ACTR3C: variants seen among roughly 807,000 people sequenced by gnomAD.
ACTR3C encodes actin related protein 3C.
ACTR3C carries 18 observed loss-of-function variants against 26.3 expected under a neutral mutation model. The ratio of observed to expected loss-of-function variants is 0.68; its 90% CI spans 0.47 to 1.01. ACTR3C has a LOEUF of 1.01. ACTR3C is among the 50% of genes least tolerant of loss of function. The pLI is 0.00. For missense variants in ACTR3C, 184 were observed against 250.7 expected, an observed-to-expected ratio of 0.73 and a Z score of 1.80; for synonymous variants, 55 against 94.5, an observed-to-expected ratio of 0.58 and a Z score of 2.42.
intron 1 of ACTR3C, among the ~76,000 whole-genome samples, chr7:150,314,955 A>G (rs1362676889): frequency 2.0e-5 from 3 of 147,892 alleles, no homozygotes; most frequent in Non-Finnish European, 4.5e-5. Flanking sequence ...CAGTTTCAAC[A>G]TAATAATAAA....
At chr7:150,134,296 G>A in the ACTR3C span, among the ~76,000 whole-genome samples, 5 of 151,894 alleles carry the variant, frequency 3.3e-5, no homozygotes, top group Non-Finnish European at 7.4e-5. Context: ...TGGAGCAGGA[G>A]GAGAGGAAGA....
chr7:150,026,107 G>A, the ACTR3C span, among the ~76,000 whole-genome samples: 8 of 152,132 alleles, frequency 5.3e-5, no homozygotes, highest in African/African-American at 9.7e-5. Flanking sequence ...GGCAAATGAC[G>A]TAGCTTCCCT....
chr7:150,299,951 A>T (rs1215301128), intron 1 of ACTR3C, among the ~76,000 whole-genome samples: 2 of 151,342 alleles, frequency 1.3e-5, no homozygotes, highest in Non-Finnish European at 2.9e-5. Context: ...AATAGGGCAC[A>T]AATAGTATTA....
the ACTR3C span, among the ~76,000 whole-genome samples, chr7:150,203,722 C>G: frequency 5.3e-5 from 8 of 152,086 alleles, no homozygotes; most frequent in Non-Finnish European, 1.2e-4. Flanking sequence ...CCCGCCACCA[C>G]GCCTGGCTAA....
chr7:150,274,522 C>T lies in ACTR3C; in HGVS notation c.564+10231G>A, dbSNP rs575823860. ...TTCACTGGGATGGTCCGAAACTGAA[C>T]CCACAAAATCTCCAAGTTATGCCTG... On this transcript the variant is annotated intron_variant, in intron 6 of 7. Coordinates refer to ENST00000683684, the MANE Select transcript of ACTR3C (RefSeq NM_001164458.2). This position sits in a 1 kb window ranked among gnomAD's most constrained non-coding sequence, Gnocchi z 4.1. Among the ~76,000 whole-genome samples, 18 of 152,292 alleles carry T rather than the reference C, an allele frequency of 1.2e-4. No homozygotes were observed. The highest frequency in any genetic ancestry group is 4.3e-4 in the African/African-American group (18 of 41,556).
the ACTR3C span, among the ~76,000 whole-genome samples, chr7:150,232,698 C>T: frequency 6.7e-6 from 1 of 148,260 alleles, no homozygotes; most frequent in East Asian, 1.9e-4. Flanking sequence ...TGGCAGATGC[C>T]TGTAATCCCA....
chr7:150,300,437 A>ACAAT (rs1795365873), intron 1 of ACTR3C, among the ~76,000 whole-genome samples: 1 of 152,188 alleles, frequency 6.6e-6, no homozygotes, highest in Non-Finnish European at 1.5e-5. Context: ...TGGAACATGA[A>ACAAT]CAATCAGCTG....
At chr7:149,992,226 C>T in the ACTR3C span, among the ~76,000 whole-genome samples, 1 of 152,242 alleles carries the variant, frequency 6.6e-6, no homozygotes, top group African/African-American at 2.4e-5. Flanking sequence ...ACCACGTGTC[C>T]CATGTCCATG....
the ACTR3C span, among the ~76,000 whole-genome samples, chr7:150,097,125 A>C: frequency 6.6e-6 from 1 of 151,942 alleles, no homozygotes; most frequent in Non-Finnish European, 1.5e-5. Context: ...TCTTAAGCCC[A>C]CTAAGTCTTG....
chr7:150,023,032 C>T, the ACTR3C span, among the ~76,000 whole-genome samples: 44 of 151,356 alleles, frequency 2.9e-4, no homozygotes, highest in Non-Finnish European at 4.9e-4. Flanking sequence ...ATATCATCTT[C>T]ATCCTTCCCA....
the ACTR3C span, among the ~76,000 whole-genome samples, chr7:150,160,570 G>T: frequency 6.6e-6 from 1 of 152,164 alleles, no homozygotes; most frequent in Admixed American, 6.5e-5. Flanking sequence ...GTTTATATTT[G>T]CTACAGTTGT....
the ACTR3C span, among the ~76,000 whole-genome samples, chr7:150,069,737 G>A: frequency 2.6e-5 from 4 of 152,096 alleles, no homozygotes; most frequent in African/African-American, 9.7e-5. Flanking sequence ...TCCAGAAGAG[G>A]GGGCTTATGT....
At chr7:150,206,210 A>G in the ACTR3C span, among the ~76,000 whole-genome samples, 1 of 152,148 alleles carries the variant, frequency 6.6e-6, no homozygotes. Context: ...TCAGTCTAGT[A>G]TCTTATACAG....
the ACTR3C span, among the ~76,000 whole-genome samples, chr7:150,206,806 T>C: frequency 1.3e-5 from 2 of 152,246 alleles, no homozygotes; most frequent in African/African-American, 4.8e-5. Flanking sequence ...ACTGGCAGTT[T>C]ATGAATAGGT....
intron 6 of ACTR3C, among the ~76,000 whole-genome samples, chr7:150,255,591 A>T (rs1055228174): frequency 1.3e-5 from 2 of 152,166 alleles, no homozygotes; most frequent in African/African-American, 4.8e-5. Flanking sequence ...AGTGCCCTTT[A>T]AAAAATGAAC....
At chr7:150,291,225 G>A (rs1233061739) in intron 3 of ACTR3C, among the ~76,000 whole-genome samples, 12 of 152,206 alleles carry the variant, frequency 7.9e-5, no homozygotes, top group African/African-American at 2.9e-4. Context: ...GAAGTCGGCA[G>A]TTCGAGACCA....
At chr7:149,949,201 T>TATACACAC in the ACTR3C span, among the ~76,000 whole-genome samples, 1 of 144,218 alleles carries the variant, frequency 6.9e-6, no homozygotes, top group Non-Finnish European at 1.5e-5. Flanking sequence ...TATACATATA[T>TATACACAC]ACACACACAC....
chr7:150,003,455 G>T, the ACTR3C span, among the ~76,000 whole-genome samples: 17 of 152,268 alleles, frequency 1.1e-4, no homozygotes, highest in African/African-American at 3.6e-4. Flanking sequence ...TGTGGGGTGT[G>T]TAGTATGTGT....
the ACTR3C span, among the ~76,000 whole-genome samples, chr7:150,234,014 G>A: frequency 6.6e-6 from 1 of 152,092 alleles, no homozygotes; most frequent in Non-Finnish European, 1.5e-5. Flanking sequence ...GTTTGCTGTA[G>A]ATGTAGGTAG....
Sources: allele counts gnomAD v4.1 joint callset (sites outside exome capture counted in the v4.1 genomes callset), GRCh38; gene constraint gnomAD v4.1.1; non-coding constraint Gnocchi (gnomAD v3.1); transcripts MANE v1.5; gene names NCBI Gene and HGNC (gene_info 2026-07-23, HGNC 2026-07-21).